The following PDE11A variants were observed in gnomAD, a reference collection of about 807,000 sequenced individuals.
PDE11A encodes the protein dual 3',5'-cyclic-AMP and -GMP phosphodiesterase 11A.
PDE11A carries 100 observed loss-of-function variants against 100.5 expected under a neutral mutation model. That is an observed-to-expected ratio of 1.00 (90% confidence interval 0.85 to 1.18). PDE11A has a LOEUF of 1.18. Ranked by LOEUF, PDE11A falls within the 50% of genes most tolerant of loss-of-function variation. PDE11A has a pLI of 0.00. For synonymous variants in PDE11A, 381 were observed against 420.8 expected (o/e 0.91, Z 1.16); for missense variants, 1,141 against 1,152.6 (o/e 0.99, Z 0.15).
chr2:178,094,461 T>C (rs918728175), intron 2 of PDE11A, among the ~76,000 whole-genome samples: 1 of 152,036 alleles, frequency 6.6e-6, no homozygotes, highest in Non-Finnish European at 1.5e-5. Context: ...GAGTCCAGGA[T>C]GTCAAGGCTG....
intron 19 of PDE11A, among the ~76,000 whole-genome samples, chr2:177,650,936 A>C (rs558174304): frequency 5.9e-5 from 9 of 152,342 alleles, no homozygotes; most frequent in Non-Finnish European, 1.2e-4. Flanking sequence ...TAACACCTGC[A>C]CATACATTAT....
intron 6 of PDE11A, among the ~76,000 whole-genome samples, chr2:177,835,101 C>T (rs1439673898): frequency 2.6e-5 from 4 of 152,100 alleles, no homozygotes; most frequent in Non-Finnish European, 1.5e-5. Context: ...CCTGTGTTAA[C>T]GTGAGTGGAA....
chr2:177,806,216 CA>C (rs1477946641), intron 9 of PDE11A, among the ~76,000 whole-genome samples: 1 of 87,732 alleles, frequency 1.1e-5, no homozygotes, highest in Non-Finnish European at 2.2e-5. Flanking sequence ...TACATTCTTG[CA>C]CATGAATTTG....
rs115482539 is a variant in PDE11A at position 178,097,967 on chromosome 2, G to A, written c.162+6335C>T. The stretch of plus-strand genomic sequence containing the variant: ...ATTGGAAGAATACAACATGTCCCAG[G>A]AGATAGTGAAATTGATCAATCAAGG... On this transcript the variant is annotated intron_variant, in intron 2 of 20. Coordinates refer to the PDE11A transcript ENST00000358450. Among the ~76,000 whole-genome samples, 684 of 152,284 alleles carry A rather than the reference G, an allele frequency of 4.5e-3. 7 individuals carry two copies. Among genetic ancestry groups the A allele is most frequent in the African/African-American group, 0.015 (630 of 41,564 alleles).
intron 2 of PDE11A, among the ~76,000 whole-genome samples, chr2:178,102,712 C>T (rs2087574608): frequency 6.6e-6 from 1 of 152,088 alleles, no homozygotes; most frequent in Admixed American, 6.5e-5. Context: ...GTGTGTGCCA[C>T]CATGTTTGGC....
In PDE11A at chr2:177,898,057, C is replaced by T; in HGVS notation, c.1302+1G>A. ...ACTTTAAAAGATAAAAGATAACTTA[C>T]TGGTGATTCGATGTCCTCTAGGAGT... On this transcript the variant is annotated splice_donor_variant, in intron 4 of 19. Transcript: ENST00000286063. LOFTEE classifies it high-confidence loss of function. The T allele has an allele frequency of 1.2e-6, 2 of 1,607,798 alleles. No individual in the cohort carries two copies. The highest frequency in any genetic ancestry group is 1.7e-6 in the Non-Finnish European group (2 of 1,174,194).
At chr2:177,998,179 A>C (rs2086100986) in intron 2 of PDE11A, 1 of 899,796 alleles carries the variant, frequency 1.1e-6, no homozygotes, top group African/African-American at 1.6e-5. Context: ...TAACCCAGAC[A>C]GTAATTCATG....
intron 15 of PDE11A, chr2:177,687,997 G>A (rs898350035): frequency 6.6e-6 from 1 of 152,162 alleles, no homozygotes; most frequent in African/African-American, 2.4e-5. Context: ...CTTCTATAAG[G>A]AAGAACTTTT....
At chr2:178,007,695 CATTT>C (rs1440711241) in intron 2 of PDE11A, among the ~76,000 whole-genome samples, 1 of 151,834 alleles carries the variant, frequency 6.6e-6, no homozygotes, top group African/African-American at 2.4e-5. Flanking sequence ...TTATTATTTT[CATTT>C]ATTTATTTAT....
rs1559117276 is a variant in PDE11A at position 177,631,533 on chromosome 2, ATATATATATATATACACATG to A, written c.2647-1991_2647-1972del. Among the ~76,000 whole-genome samples the A allele has an allele frequency of 3.4e-3, 104 of 31,030 alleles. 1 individual carries two copies. Among genetic ancestry groups the A allele is most frequent in the African/African-American group, 0.011 (98 of 8,576 alleles). The allele number at this position is 31,030 out of a possible 152,430, so 20.4% of individuals were successfully genotyped here. On this transcript the variant is annotated intron_variant, in intron 19 of 19. Transcript: ENST00000286063. ...AAAAAATATATATATATATATATAT[ATATATATATATATACACATG>A]TATATATATATATATACATGTATAT...
chr2:177,805,170 C>T (rs13014074), intron 9 of PDE11A, among the ~76,000 whole-genome samples: 15,017 of 151,556 alleles, frequency 0.099, 1,049 homozygotes, highest in Non-Finnish European at 0.15. Context: ...ATAAAATAAA[C>T]AGATGAGTCA....
chr2:177,851,059 T>A (rs1009645945), intron 5 of PDE11A, among the ~76,000 whole-genome samples: 26 of 152,288 alleles, frequency 1.7e-4, no homozygotes, highest in African/African-American at 4.6e-4. Context: ...GGATTATAAA[T>A]CATGGTGCTA....
rs770054426 is a variant in PDE11A, at chr2:177,875,876, A to C, written c.1350T>G (p.Ser450Arg). The C allele has an allele frequency of 1.2e-6, 2 of 1,611,618 alleles. No homozygotes were observed. The highest frequency in any genetic ancestry group is 8.5e-7 in the Non-Finnish European group (1 of 1,177,708). The change falls in exon 5 of 20, where the codon AGT (serine) becomes AGG (arginine). Residue 450 changes from serine to arginine, a missense_variant. Physicochemically the swap from Ser to Arg is moderately radical, Grantham distance 110 (BLOSUM62 -1). Coordinates refer to ENST00000286063, the MANE Select transcript of PDE11A (RefSeq NM_016953.4). ...AGCCCTACCTGTTCTCAGCATCAGC[A>C]CTGCACTTTGGGGACATCAATTCAA... ...KSFELMSPKC[S>R]ADAENSFKES...
intron 10 of PDE11A, among the ~76,000 whole-genome samples, chr2:177,745,966 C>T (rs967107093): frequency 6.6e-6 from 1 of 152,146 alleles, no homozygotes; most frequent in African/African-American, 2.4e-5. Flanking sequence ...CACTGCTTAC[C>T]TGTGGGGCCT....
intron 9 of PDE11A, among the ~76,000 whole-genome samples, chr2:177,794,527 T>G (rs895644871): frequency 6.6e-6 from 1 of 152,180 alleles, no homozygotes; most frequent in African/African-American, 2.4e-5. Flanking sequence ...GGGCCCAGTA[T>G]ACTTGCTAAA....
intron 1 of PDE11A, among the ~76,000 whole-genome samples, chr2:178,105,074 T>C (rs1242511619): frequency 6.6e-6 from 1 of 152,214 alleles, no homozygotes; most frequent in Non-Finnish European, 1.5e-5. Flanking sequence ...TCAAGCATTA[T>C]CTGAAAGCAA....
At chr2:178,009,587 A>G (rs12473461) in intron 2 of PDE11A, among the ~76,000 whole-genome samples, 100,437 of 151,970 alleles carry the variant, frequency 0.66, 35,087 homozygotes, top group South Asian at 0.78. Flanking sequence ...GTCAGGTAAA[A>G]TTTCCTGCAT....
intron 1 of PDE11A, among the ~76,000 whole-genome samples, chr2:178,064,696 C>T (rs1351995764): frequency 6.7e-6 from 1 of 149,808 alleles, no homozygotes. Context: ...CAGTGGCACA[C>T]ATTTATAGTC....
intron 2 of PDE11A, among the ~76,000 whole-genome samples, chr2:177,929,422 T>A (rs959871931): frequency 1.3e-5 from 2 of 152,212 alleles, no homozygotes; most frequent in African/African-American, 4.8e-5. Context: ...ACTGCATGAA[T>A]CCTGAGAAGG....
Sources: allele counts gnomAD v4.1 joint callset (sites outside exome capture counted in the v4.1 genomes callset), GRCh38; gene constraint gnomAD v4.1.1; transcripts MANE v1.5; gene names NCBI Gene and HGNC (gene_info 2026-07-23, HGNC 2026-07-21).